DYNC2H1: variants seen among roughly 807,000 people sequenced by gnomAD.
DYNC2H1 encodes the protein cytoplasmic dynein 2 heavy chain 1.
Under a neutral mutation model 570.0 loss-of-function variants are expected in DYNC2H1, and 410 were observed. The ratio of observed to expected loss-of-function variants is 0.72; its 90% CI spans 0.66 to 0.78. The LOEUF is 0.78. DYNC2H1 is among the 30% of genes least tolerant of loss of function. The pLI is 0.00. For missense variants in DYNC2H1, 4,865 were observed against 5,046.4 expected, an observed-to-expected ratio of 0.96 and a Z score of 1.09; for synonymous variants, 1,688 against 1,677.6, an observed-to-expected ratio of 1.01 and a Z score of -0.15.
intron 56 of DYNC2H1, 81 bp downstream of exon 56, chr11:103,220,109 C>A: frequency 1.3e-6 from 1 of 780,314 alleles, no homozygotes; most frequent in Non-Finnish European, 1.9e-6. Context: ...ATTTGTAACT[C>A]AAGTTGTTTT....
rs1293020347 is a variant in DYNC2H1, at chr11:103,363,502, T to TA, written c.12156+5151dup. 1.3e-5 allele frequency among the ~76,000 whole-genome samples: 2 copies of TA among 151,886 alleles called. No homozygotes were observed. Among genetic ancestry groups the TA allele is most frequent in the African/African-American group, 2.4e-5 (1 of 41,364 alleles). ...CTTACCACAAGGCAAACTCTTATTC[T>TA]AAAAAAAATGTTTTCCGAGTTTGTT... On this transcript the variant is annotated intron_variant, in intron 83 of 88. Transcript: ENST00000375735. This position sits in a 1 kb window ranked among gnomAD's most constrained non-coding sequence, Gnocchi z 5.6.
intron 75 of DYNC2H1, among the ~76,000 whole-genome samples, chr11:103,290,961 T>G (rs1866570763): frequency 6.6e-6 from 1 of 152,180 alleles, no homozygotes; most frequent in Admixed American, 6.5e-5. Flanking sequence ...CCTCTGCAAC[T>G]AATCACATCA....
At chr11:103,415,627 G>A (rs552967304) in intron 84 of DYNC2H1, among the ~76,000 whole-genome samples, 29 of 152,192 alleles carry the variant, frequency 1.9e-4, no homozygotes, top group Non-Finnish European at 3.4e-4. Flanking sequence ...TTAGAATGGC[G>A]ATCATTAAAA....
At chr11:103,226,311 A>G (rs1184199444) in intron 59 of DYNC2H1, among the ~76,000 whole-genome samples, 1 of 152,012 alleles carries the variant, frequency 6.6e-6, no homozygotes, top group Non-Finnish European at 1.5e-5. Flanking sequence ...TGGGGAATGC[A>G]TTCCACTTTT....
At chr11:103,113,431 AC>A (rs1379200938) in intron 1 of DYNC2H1, 105 bp from the exon 2 acceptor site, 1 of 829,160 alleles carries the variant, frequency 1.2e-6, no homozygotes, top group Non-Finnish European at 1.7e-6. Flanking sequence ...TTTTAAAGTA[AC>A]TATTTTTTTC....
At chr11:103,200,393 T>C (rs1862670945) in intron 50 of DYNC2H1, among the ~76,000 whole-genome samples, 3 of 152,136 alleles carry the variant, frequency 2.0e-5, no homozygotes, top group African/African-American at 7.2e-5. Context: ...TTCAGAAAAA[T>C]TGACTTTTAC....
intron 84 of DYNC2H1, among the ~76,000 whole-genome samples, chr11:103,435,561 C>T (rs1184768173): frequency 1.3e-5 from 2 of 151,916 alleles, no homozygotes; most frequent in Admixed American, 1.3e-4. Context: ...TTCCATTATA[C>T]TGCTCTATTT....
At chr11:103,132,928 G>T (rs1859350972) in intron 13 of DYNC2H1, among the ~76,000 whole-genome samples, 2 of 152,056 alleles carry the variant, frequency 1.3e-5, no homozygotes, top group Non-Finnish European at 2.9e-5. Flanking sequence ...ACACCACTGT[G>T]AGTGGGGTGG....
intron 87 of DYNC2H1, among the ~76,000 whole-genome samples, chr11:103,459,557 A>C (rs977082306): frequency 6.6e-6 from 1 of 152,100 alleles, no homozygotes; most frequent in Non-Finnish European, 1.5e-5. Flanking sequence ...AGGTGTTCCT[A>C]GCATCGGCTA....
intron 54 of DYNC2H1, among the ~76,000 whole-genome samples, chr11:103,214,539 G>A (rs1042922267): frequency 1.0e-4 from 15 of 148,918 alleles, no homozygotes; most frequent in Admixed American, 6.8e-5. Context: ...CCAACTCCTG[G>A]GTTCAAGAGA....
In DYNC2H1 at chr11:103,465,287, G is replaced by T. The variant is rs570849041; in HGVS notation, c.12649-3302G>T. ...TTACTTAAAGATATACATTTCAGTC[G>T]TGATCACGCAGATAATTTGAGAAGT... On this transcript the variant is annotated intron_variant, in intron 87 of 88. Coordinates refer to ENST00000375735, the MANE Select transcript of DYNC2H1 (RefSeq NM_001377.3). This position sits in a 1 kb window ranked among gnomAD's most constrained non-coding sequence, Gnocchi z 4.9. Among the ~76,000 whole-genome samples the T allele has an allele frequency of 6.6e-6, 1 of 152,114 alleles. No individual in the cohort carries two copies. The highest frequency in any genetic ancestry group is 1.5e-5 in the Non-Finnish European group (1 of 68,018).
chr11:103,421,536 A>T (rs1364146752), intron 84 of DYNC2H1, among the ~76,000 whole-genome samples: 3 of 152,144 alleles, frequency 2.0e-5, no homozygotes, highest in African/African-American at 7.2e-5. Flanking sequence ...TCAAATTAGA[A>T]CTCAAGATTA....
rs1865043661 is a variant in DYNC2H1 at position 103,256,045 on chromosome 11, TTGC to T, written c.10327-59_10327-57del. The T allele has an allele frequency of 3.5e-6, 5 of 1,409,382 alleles. No individual in the cohort carries two copies. The highest frequency in any genetic ancestry group is 4.8e-6 in the Non-Finnish European group (5 of 1,045,084). 87.3% of individuals were successfully genotyped at this position (1,409,382 alleles called of 1,614,324 possible). ...CAAATGAATGACAGTTAATATGGGT[TTGC>T]TTTAATTGGTTATTTTTATATGTAT... On this transcript the variant is annotated intron_variant, in intron 67 of 88. Coordinates refer to ENST00000375735, the MANE Select transcript of DYNC2H1 (RefSeq NM_001377.3). The surrounding 1 kb of genome is among the most constrained non-coding windows in gnomAD (Gnocchi z 4.0).
chr11:103,289,544 T>C lies in DYNC2H1; in HGVS notation c.11095+1939T>C, dbSNP rs1239772790. Among the ~76,000 whole-genome samples, 1 of 152,110 alleles carries C rather than the reference T, an allele frequency of 6.6e-6. No individual in the cohort carries two copies. The highest frequency in any genetic ancestry group is 1.5e-5 in the Non-Finnish European group (1 of 68,018). The stretch of plus-strand genomic sequence containing the variant: ...TGGAGGCTGACGGGGGAGGATTGCT[T>C]GAGCCCAGTAGTTTGAGACCAGCCT... On this transcript the variant is annotated intron_variant, in intron 75 of 88. Coordinates refer to ENST00000375735, the MANE Select transcript of DYNC2H1 (RefSeq NM_001377.3). This position sits in a 1 kb window ranked among gnomAD's most constrained non-coding sequence, Gnocchi z 4.2.
In DYNC2H1 at chr11:103,187,490, A is replaced by G. The variant is rs765173236; in HGVS notation, c.7044A>G (p.Pro2348=). Reference sequence around the variant, plus strand: ...CTAATACTGGTCGTGTATACAGACCAAAAGACTGTGAAAGACTTGTTCTGT... The same window carrying G: ...CTAATACTGGTCGTGTATACAGACCGAAAGACTGTGAAAGACTTGTTCTGT... ...ISTNTGRVYR[P]KDCERLVLYL... Residue 2348 remains proline (P), a synonymous_variant, in exon 43 of 89, where the codon CCA becomes CCG. Transcript: ENST00000375735. 9 of 1,613,430 alleles carry G rather than the reference A, an allele frequency of 5.6e-6. No individual in the cohort carries two copies. The highest frequency in any genetic ancestry group is 6.8e-6 in the Non-Finnish European group (8 of 1,179,510).
At position 103,439,017 on chromosome 11, in the gene DYNC2H1, T is replaced by C. The variant is rs1019098523; in HGVS notation, c.12456+2985T>C. ...TCCGCAAATGTGATTAATACTTTCC[T>C]GGTGCCAAACACTGTGTGAGGTTGC... is the stretch of plus-strand genomic sequence containing the variant. On this transcript the variant is annotated intron_variant, in intron 85 of 88. Transcript: ENST00000375735. This position sits in a 1 kb window ranked among gnomAD's most constrained non-coding sequence, Gnocchi z 4.1. 6.6e-6 allele frequency among the ~76,000 whole-genome samples: 1 copy of C among 152,098 alleles called. No individual in the cohort carries two copies. Among genetic ancestry groups the C allele is most frequent in the Non-Finnish European group, 1.5e-5 (1 of 67,996 alleles).
At chr11:103,246,010 C>T (rs1023523648) in intron 65 of DYNC2H1, among the ~76,000 whole-genome samples, 5 of 152,034 alleles carry the variant, frequency 3.3e-5, no homozygotes, top group African/African-American at 7.2e-5. Context: ...ATTGGGGCAA[C>T]GCAGAGAAAT....
At chr11:103,150,766 G>T (rs754869700) in intron 20 of DYNC2H1, among the ~76,000 whole-genome samples, 5 of 152,108 alleles carry the variant, frequency 3.3e-5, no homozygotes. Context: ...GAGGAGCAAA[G>T]GACATAAATG....
intron 74 of DYNC2H1, 99 bp from the exon 75 acceptor site, chr11:103,287,434 T>G (rs938958939): frequency 1.7e-4 from 166 of 951,244 alleles, no homozygotes; most frequent in Admixed American, 5.9e-4. Flanking sequence ...GTTCCCATAT[T>G]TAGTAAACAT....
Sources: allele counts gnomAD v4.1 joint callset (sites outside exome capture counted in the v4.1 genomes callset), GRCh38; gene constraint gnomAD v4.1.1; non-coding constraint Gnocchi (gnomAD v3.1); transcripts MANE v1.5; gene names NCBI Gene and HGNC (gene_info 2026-07-23, HGNC 2026-07-21).